The following PLEKHA6 variants were observed in gnomAD, a reference collection of about 807,000 sequenced individuals.
The protein encoded by PLEKHA6 is pleckstrin homology domain containing A6.
A neutral mutation model predicts 116.7 loss-of-function variants in PLEKHA6; 60 were observed. The ratio of observed to expected loss-of-function variants is 0.51; its 90% CI spans 0.42 to 0.64. The LOEUF is 0.64. Ranked by LOEUF, PLEKHA6 falls within the 30% of genes least tolerant of loss-of-function variation. The probability of loss-of-function intolerance (pLI) is 0.00; values close to 1 mark genes in which losing one functional copy is unlikely to be tolerated. For missense variants in PLEKHA6, 1,338 were observed against 1,422.7 expected (o/e 0.94, Z 0.96); for synonymous variants, 489 against 556.1 (o/e 0.88, Z 1.70).
intron 17 of PLEKHA6, among the ~76,000 whole-genome samples, chr1:204,235,763 T>A (rs1299773665): frequency 1.3e-5 from 2 of 152,150 alleles, no homozygotes; most frequent in African/African-American, 4.8e-5. Flanking sequence ...TATGAACCTT[T>A]TTTTGCCAGA....
At chr1:204,335,313 T>C (rs914964411) in intron 1 of PLEKHA6, among the ~76,000 whole-genome samples, 10 of 152,028 alleles carry the variant, frequency 6.6e-5, no homozygotes, top group Non-Finnish European at 1.5e-4. Flanking sequence ...GGTGTTTAGC[T>C]TGGCCTCAGC....
chr1:204,244,573 G>A (rs1373648794), intron 15 of PLEKHA6, among the ~76,000 whole-genome samples: 1 of 152,130 alleles, frequency 6.6e-6, no homozygotes, highest in Admixed American at 6.5e-5. Flanking sequence ...TATCATCCTA[G>A]ATTTAAATTC....
chr1:204,355,354 A>C (rs565171875), intron 1 of PLEKHA6, among the ~76,000 whole-genome samples: 26 of 152,362 alleles, frequency 1.7e-4, no homozygotes, highest in African/African-American at 6.0e-4. Flanking sequence ...AGGCACAGAG[A>C]AGTAAAGCCA....
chr1:204,220,184 G>A lies in PLEKHA6; in HGVS notation c.*2604C>T, dbSNP rs898845955. 6.6e-6 allele frequency: 1 copy of A among 152,314 alleles called. No homozygotes were observed. The highest frequency in any genetic ancestry group is 2.4e-5 in the African/African-American group (1 of 41,472). 9.4% of individuals were successfully genotyped at this position (152,314 alleles called of 1,614,324 possible). A position where few individuals can be genotyped will look rare whatever the true frequency, so the allele number is the denominator to read the frequency against. On this transcript the variant is annotated 3_prime_UTR_variant, in exon 23 of 23. Transcript: ENST00000272203. The stretch of plus-strand genomic sequence containing the variant: ...GTTACGCTGTCTGCTCTTTCCAGCA[G>A]GCTGATGAAGAGGGGTAGTCTAGCA...
chr1:204,375,162 C>A (rs2103422184), intron 1 of PLEKHA6, among the ~76,000 whole-genome samples: 1 of 152,236 alleles, frequency 6.6e-6, no homozygotes, highest in South Asian at 2.1e-4. Flanking sequence ...GGGTATACTC[C>A]TGTCTTTTCC....
At chr1:204,242,263 G>A (rs1304816607) in intron 15 of PLEKHA6, among the ~76,000 whole-genome samples, 1 of 152,196 alleles carries the variant, frequency 6.6e-6, no homozygotes, top group African/African-American at 2.4e-5. Context: ...ACAAAAACAT[G>A]AGACTAGAAG....
At chr1:204,346,801 G>A in intron 1 of PLEKHA6, 1 of 1,182,246 alleles carries the variant, frequency 8.5e-7, no homozygotes, top group Non-Finnish European at 1.3e-6. Flanking sequence ...ATAGGGAATA[G>A]GTTCCAGCAG....
intron 1 of PLEKHA6, among the ~76,000 whole-genome samples, chr1:204,287,732 G>A (rs1669342920): frequency 6.6e-6 from 1 of 152,156 alleles, no homozygotes; most frequent in Non-Finnish European, 1.5e-5. Flanking sequence ...CCACAAGAGA[G>A]GCCGACGCTG....
intron 9 of PLEKHA6, chr1:204,256,889 C>T: frequency 1.6e-6 from 1 of 640,210 alleles, no homozygotes; most frequent in Non-Finnish European, 2.8e-6. Flanking sequence ...GGTAATCATA[C>T]TGGAAGAGAA....
chr1:204,289,973 T>A (rs10900575), intron 1 of PLEKHA6, among the ~76,000 whole-genome samples: 97,456 of 152,108 alleles, frequency 0.64, 32,606 homozygotes, highest in East Asian at 0.83. Flanking sequence ...TAAGGGATAC[T>A]TTTGACAAGG....
Position 204,228,567 on chromosome 1 carries a change from C to T in PLEKHA6, c.2885+161G>A, listed in dbSNP as rs1396026958. ...TCTTAGTAGCACCTGACAGCAGCAT[C>T]CTTGCCTCTGCCGGTAGCTGGGCCC... On this transcript the variant is annotated intron_variant, in intron 20 of 22. Coordinates refer to ENST00000272203, the MANE Select transcript of PLEKHA6 (RefSeq NM_014935.5). The surrounding 1 kb of genome is among the most constrained non-coding windows in gnomAD (Gnocchi z 4.0). 3.9e-5 allele frequency among the ~76,000 whole-genome samples: 6 copies of T among 152,130 alleles called. No individual in the cohort carries two copies. Among genetic ancestry groups the T allele is most frequent in the Non-Finnish European group, 8.8e-5 (6 of 68,016 alleles).
intron 15 of PLEKHA6, chr1:204,243,225 G>A (rs1341527565): frequency 1.5e-5 from 6 of 399,538 alleles, no homozygotes; most frequent in Middle Eastern, 6.3e-4. Flanking sequence ...CCAGGGGGAC[G>A]TAGGCTTTGG....
intron 3 of PLEKHA6, among the ~76,000 whole-genome samples, chr1:204,269,447 T>TAG (rs1667216017): frequency 7.1e-6 from 1 of 140,502 alleles, no homozygotes; most frequent in Non-Finnish European, 1.5e-5. Flanking sequence ...TGCTGGAGAA[T>TAG]AAAAAAAAAA....
intron 12 of PLEKHA6, among the ~76,000 whole-genome samples, chr1:204,248,519 G>A (rs1664097331): frequency 6.6e-6 from 1 of 152,220 alleles, no homozygotes; most frequent in Non-Finnish European, 1.5e-5. Flanking sequence ...CAGCAGAGGT[G>A]TTAGCACAGC....
At chr1:204,323,212 G>C (rs918911313) in intron 1 of PLEKHA6, among the ~76,000 whole-genome samples, 1 of 152,236 alleles carries the variant, frequency 6.6e-6, no homozygotes, top group Non-Finnish European at 1.5e-5. Flanking sequence ...AGCCTTGCCT[G>C]GGGGAGGCCC....
intron 1 of PLEKHA6, among the ~76,000 whole-genome samples, chr1:204,357,104 G>A (rs1673435618): frequency 6.6e-6 from 1 of 152,200 alleles, no homozygotes; most frequent in Non-Finnish European, 1.5e-5. Context: ...AAAGAGAGAG[G>A]TGACTTGTTC....
chr1:204,291,385 A>G (rs1669736640), intron 1 of PLEKHA6, among the ~76,000 whole-genome samples: 1 of 152,180 alleles, frequency 6.6e-6, no homozygotes, highest in Non-Finnish European at 1.5e-5. Context: ...AAGAGTTTAA[A>G]CATCCATGCA....
chr1:204,251,135 C>T (rs539879424), intron 9 of PLEKHA6, among the ~76,000 whole-genome samples: 2 of 152,278 alleles, frequency 1.3e-5, no homozygotes, highest in African/African-American at 2.4e-5. Flanking sequence ...CTAGCCTGGA[C>T]GCCACATCTG....
chr1:204,267,109 G>A (rs1558104636), intron 5 of PLEKHA6, among the ~76,000 whole-genome samples: 1 of 152,158 alleles, frequency 6.6e-6, no homozygotes, highest in African/African-American at 2.4e-5. Flanking sequence ...CCACACACAA[G>A]CTCCAATTAG....
Sources: gnomAD v4.1 joint callset for allele counts (sites outside exome capture counted in the v4.1 genomes callset) on GRCh38, gnomAD v4.1.1 for gene constraint, Gnocchi (gnomAD v3.1) non-coding constraint, MANE v1.5 for transcripts, NCBI Gene and HGNC (gene_info 2026-07-23, HGNC 2026-07-21) for gene names.